Variants in MYO3A observed in about 807,000 individuals in gnomAD.
MYO3A encodes the protein myosin IIIA, also known as myosin-IIIa.
MYO3A carries 180 observed loss-of-function variants against 192.7 expected under a neutral mutation model. The ratio of observed to expected loss-of-function variants is 0.93; its 90% CI spans 0.83 to 1.06. The LOEUF (loss-of-function observed/expected upper bound fraction) is 1.06, where lower values mean the gene tolerates loss of function less well. MYO3A is among the 50% of genes least tolerant of loss of function. The probability of loss-of-function intolerance (pLI) is 0.00; values close to 1 mark genes in which losing one functional copy is unlikely to be tolerated. For missense variants in MYO3A, 1,896 were observed against 1,905.0 expected (o/e 1.00, Z 0.09); for synonymous variants, 628 against 645.3 (o/e 0.97, Z 0.41).
chr10:26,154,707 T>C (rs768908327), intron 24 of MYO3A, 39 bp from the exon 25 acceptor site: 5 of 1,569,540 alleles, frequency 3.2e-6, no homozygotes, highest in Non-Finnish European at 2.6e-6. Context: ...TAAAGTACAA[T>C]AGATACCAAG....
At chr10:26,026,255 C>A in intron 9 of MYO3A, 122 bp from the exon 10 acceptor site, 1 of 1,184,092 alleles carries the variant, frequency 8.4e-7, no homozygotes, top group Non-Finnish European at 1.2e-6. Flanking sequence ...ATATTTTAAG[C>A]TTGGGCTGAG....
intron 34 of MYO3A, among the ~76,000 whole-genome samples, chr10:26,205,886 TG>T (rs763002315): frequency 6.6e-6 from 1 of 152,144 alleles, no homozygotes; most frequent in Non-Finnish European, 1.5e-5. Flanking sequence ...CCCAAAATGC[TG>T]GGATTACAGG....
intron 17 of MYO3A, 49 bp from the exon 18 acceptor site, chr10:26,120,627 G>C: frequency 6.2e-7 from 1 of 1,612,174 alleles, no homozygotes; most frequent in Non-Finnish European, 8.5e-7. Context: ...TCACTGGTTG[G>C]CTGTACTCAA....
At chr10:26,051,653 G>T (rs1007421975) in intron 10 of MYO3A, among the ~76,000 whole-genome samples, 3 of 150,864 alleles carry the variant, frequency 2.0e-5, no homozygotes, top group Non-Finnish European at 4.4e-5. Context: ...GTGACCCACA[G>T]ATGATTGATA....
intron 17 of MYO3A, among the ~76,000 whole-genome samples, chr10:26,117,287 C>T (rs7921390): frequency 0.48 from 72,718 of 151,852 alleles, 18,134 homozygotes; most frequent in Middle Eastern, 0.59. Context: ...CTCATTATAT[C>T]GGTAACATCC....
intron 15 of MYO3A, among the ~76,000 whole-genome samples, chr10:26,095,390 C>T (rs935633743): frequency 1.3e-5 from 2 of 152,140 alleles, no homozygotes; most frequent in African/African-American, 4.8e-5. Context: ...CATCCTAAAA[C>T]AGGAGGAGAT....
chr10:26,027,444 A>G (rs144467182), intron 10 of MYO3A, among the ~76,000 whole-genome samples: 1 of 152,190 alleles, frequency 6.6e-6, no homozygotes, highest in East Asian at 1.9e-4. Context: ...TCCTGGGTTC[A>G]AGTGATCTTC....
chr10:26,160,637 C>G (rs1285402488), intron 26 of MYO3A, among the ~76,000 whole-genome samples: 1 of 151,638 alleles, frequency 6.6e-6, no homozygotes, highest in Non-Finnish European at 1.5e-5. Context: ...AGAGCAAGAC[C>G]CTATCTCTAA....
chr10:26,171,577 A>C (rs1589074375), intron 29 of MYO3A, among the ~76,000 whole-genome samples: 1 of 152,226 alleles, frequency 6.6e-6, no homozygotes, highest in Non-Finnish European at 1.5e-5. Flanking sequence ...GTTTAGATAC[A>C]TTTGGTGTTT....
Position 25,997,188 on chromosome 10 carries a change from T to C in MYO3A, c.438T>C (p.Thr146=). 2 of 1,613,524 alleles carry C rather than the reference T, an allele frequency of 1.2e-6. No individual in the cohort carries two copies. The highest frequency in any genetic ancestry group is 1.7e-6 in the Non-Finnish European group (2 of 1,179,572). Residue 146 remains threonine (T), a synonymous_variant, in exon 6 of 35, where the codon ACT becomes ACC. Coordinates refer to ENST00000642920, the MANE Select transcript of MYO3A (RefSeq NM_017433.5). ...MGLQHLHNNK[T]IHRDVKGNNI... Reference sequence around the variant, plus strand: ...TTCAACATTTGCATAACAACAAAACTATCCACAGAGATGTGAAAGGCAATA... The same window carrying C: ...TTCAACATTTGCATAACAACAAAACCATCCACAGAGATGTGAAAGGCAATA...
In MYO3A at chr10:26,102,209, T is replaced by C. The variant is rs143123360; in HGVS notation, c.1776+5527T>C. Among the ~76,000 whole-genome samples the C allele has an allele frequency of 9.9e-3, 1,505 of 152,364 alleles. 23 individuals carry two copies. Among genetic ancestry groups the C allele is most frequent in the African/African-American group, 0.032 (1,325 of 41,584 alleles). ...TGAATCAGCTACTGAAGCTTTTGCATGCGTCACATAGTTCTCGTGCCATGG... is the reference window on the plus strand; with the variant it reads ...TGAATCAGCTACTGAAGCTTTTGCACGCGTCACATAGTTCTCGTGCCATGG... On this transcript the variant is annotated intron_variant, in intron 17 of 34. Coordinates refer to ENST00000642920, the MANE Select transcript of MYO3A (RefSeq NM_017433.5).
intron 30 of MYO3A, 69 bp from the exon 31 acceptor site, chr10:26,176,632 C>G: frequency 7.0e-7 from 1 of 1,434,784 alleles, no homozygotes; most frequent in Admixed American, 1.8e-5. Flanking sequence ...CGTTTCCCAG[C>G]CCCCGGTGCC....
chr10:25,997,298 T>G, intron 6 of MYO3A, 40 bp downstream of exon 6: 7 of 1,356,586 alleles, frequency 5.2e-6, no homozygotes, highest in Non-Finnish European at 6.3e-6. Context: ...AACTCCATAA[T>G]GAACTAGTAT....
At chr10:26,124,530 C>G (rs981430099) in intron 18 of MYO3A, among the ~76,000 whole-genome samples, 1 of 152,086 alleles carries the variant, frequency 6.6e-6, no homozygotes, top group African/African-American at 2.4e-5. Flanking sequence ...ATGAGCCTAT[C>G]GTACTTCCAC....
intron 4 of MYO3A, among the ~76,000 whole-genome samples, chr10:25,990,858 C>G (rs1382686922): frequency 2.0e-5 from 3 of 151,848 alleles, no homozygotes; most frequent in Non-Finnish European, 4.4e-5. Flanking sequence ...TTTTTTATGG[C>G]TGCATAGTAT....
intron 10 of MYO3A, among the ~76,000 whole-genome samples, chr10:26,062,530 A>AAACAAAAAAAACAAAAAAAAACG (rs1554816583): frequency 1.6e-5 from 2 of 125,942 alleles, no homozygotes; most frequent in East Asian, 2.0e-4. Flanking sequence ...AAAAAAAAAA[A>AAACAAAAAAAACAAAAAAAAACG]AAATTATGGA....
At chr10:26,048,418 AAGAT>A (rs1210957525) in intron 10 of MYO3A, among the ~76,000 whole-genome samples, 1 of 152,190 alleles carries the variant, frequency 6.6e-6, no homozygotes, top group Non-Finnish European at 1.5e-5. Context: ...AAAAGAAAGA[AAGAT>A]AGGGAAATAA....
chr10:26,119,707 C>A (rs1588988857), intron 17 of MYO3A, among the ~76,000 whole-genome samples: 1 of 152,138 alleles, frequency 6.6e-6, no homozygotes, highest in East Asian at 1.9e-4. Context: ...AGTTGAAGAG[C>A]TAGAATTACC....
chr10:26,123,604 A>AT (rs1204289943), intron 18 of MYO3A, among the ~76,000 whole-genome samples: 9 of 152,174 alleles, frequency 5.9e-5, no homozygotes, highest in African/African-American at 1.2e-4. Flanking sequence ...TGGTTCAGAG[A>AT]TTTTGAAGAG....
Sources: allele counts gnomAD v4.1 joint callset (sites outside exome capture counted in the v4.1 genomes callset), GRCh38; gene constraint gnomAD v4.1.1; transcripts MANE v1.5; gene names NCBI Gene and HGNC (gene_info 2026-07-23, HGNC 2026-07-21).